The following UNKL variants were observed in gnomAD, a reference collection of about 807,000 sequenced individuals.
UNKL encodes the protein putative E3 ubiquitin-protein ligase UNKL.
A neutral mutation model predicts 78.0 loss-of-function variants in UNKL; 60 were observed. The ratio of observed to expected loss-of-function variants is 0.77; its 90% CI spans 0.63 to 0.95. The LOEUF is 0.95. Among genes scored for constraint, UNKL ranks in the 40% least tolerant of loss-of-function variants. UNKL has a pLI of 0.00. For missense variants in UNKL, 1,159 were observed against 1,045.7 expected (o/e 1.11, Z -1.49); for synonymous variants, 608 against 474.8 (o/e 1.28, Z -3.65).
Position 1,405,194 on chromosome 16 carries a change from C to CAA in UNKL, c.288-1852_288-1851dup, listed in dbSNP as rs529175991. On this transcript the variant is annotated intron_variant, in intron 2 of 14. Coordinates refer to ENST00000389221, the MANE Select transcript of UNKL (RefSeq NM_001372107.1). ...TGGGCAACAGAGCAAGACCCTGTCT[C>CAA]AAAAAAAAAAAAAAAAAAAAAAAAA... Among the ~76,000 whole-genome samples, 17 of 109,506 alleles carry CAA rather than the reference C, an allele frequency of 1.6e-4. 1 individual carries two copies. Among genetic ancestry groups the CAA allele is most frequent in the Non-Finnish European group, 3.2e-4 (17 of 52,986 alleles). The allele number at this position is 109,506 out of a possible 152,430, so 71.8% of individuals were successfully genotyped here. A position where few individuals can be genotyped will look rare whatever the true frequency, so the allele number is the denominator to read the frequency against.
Position 1,366,246 on chromosome 16 carries a change from C to G in UNKL, c.2196G>C (p.Gln732His). The change falls in exon 15 of 15, where the codon CAG (glutamine) becomes CAC (histidine). Residue 732 changes from glutamine (Q) to histidine (H), a missense_variant. Physicochemically the swap from Gln to His is conservative, Grantham distance 24 (BLOSUM62 0). Coordinates refer to ENST00000389221, the MANE Select transcript of UNKL (RefSeq NM_001372107.1). ...GTGGCTGTCCCCGCTGAGGTCACCACTGCAGGGGCTGGCCCTTGCAGTAGG... is the reference window on the plus strand; with the variant it reads ...GTGGCTGTCCCCGCTGAGGTCACCAGTGCAGGGGCTGGCCCTTGCAGTAGG... ...ECPYCKGQPL[Q>H]W is the part of the protein sequence containing the mutation. 1.9e-6 allele frequency: 3 copies of G among 1,569,046 alleles called. No homozygotes were observed. Among genetic ancestry groups the G allele is most frequent in the Non-Finnish European group, 1.7e-6 (2 of 1,157,434 alleles).
In UNKL at chr16:1,366,134, C is replaced by T. The variant is rs2035231406; in HGVS notation, c.*106G>A. ...ACGTGTAACAGGAAGGGCTCCCAGC[C>T]TCGGTCCTCACGTCGGTGGCACCAG... is the stretch of plus-strand genomic sequence containing the variant. On this transcript the variant is annotated 3_prime_UTR_variant, in exon 15 of 15. Coordinates refer to ENST00000389221, the MANE Select transcript of UNKL (RefSeq NM_001372107.1). The T allele has an allele frequency of 1.5e-6, 2 of 1,322,138 alleles. No homozygotes were observed. Among genetic ancestry groups the T allele is most frequent in the Non-Finnish European group, 2.0e-6 (2 of 1,014,666 alleles). 81.9% of individuals were successfully genotyped at this position (1,322,138 alleles called of 1,614,324 possible).
chr16:1,394,546 T>C (rs933927127), intron 6 of UNKL: 1 of 512,864 alleles, frequency 1.9e-6, no homozygotes, highest in Non-Finnish European at 3.8e-6. Context: ...GCCTAATAAG[T>C]GCCTATTAAA....
At chr16:1,406,650 T>C (rs1212796243) in intron 2 of UNKL, among the ~76,000 whole-genome samples, 1 of 152,082 alleles carries the variant, frequency 6.6e-6, no homozygotes, top group Non-Finnish European at 1.5e-5. Context: ...GCCTCTGAGT[T>C]TTAAAGACTG....
At chr16:1,388,720 C>T (rs957906199) in intron 9 of UNKL, among the ~76,000 whole-genome samples, 2 of 152,058 alleles carry the variant, frequency 1.3e-5, no homozygotes, top group Admixed American at 1.3e-4. Flanking sequence ...GGATCCCGCA[C>T]CTTCACTAAC....
rs113426248 is a variant in UNKL, at chr16:1,409,333, T to C, written c.287+4513A>G. On this transcript the variant is annotated intron_variant, in intron 2 of 14. Coordinates refer to ENST00000389221, the MANE Select transcript of UNKL (RefSeq NM_001372107.1). ...ATGAGAACCAGAACGGGTACTTCAA[T>C]AGGACAAACTGGCTATTCCCTTTGT... is the stretch of plus-strand genomic sequence containing the variant. Among the ~76,000 whole-genome samples, 618 of 152,286 alleles carry C rather than the reference T, an allele frequency of 4.1e-3. 4 individuals carry two copies. The highest frequency in any genetic ancestry group is 6.1e-3 in the Non-Finnish European group (413 of 68,022).
chr16:1,363,334 A>G lies in UNKL; in HGVS notation c.*2906T>C. 1 of 509,922 alleles carries G rather than the reference A, an allele frequency of 2.0e-6. No individual in the cohort carries two copies. Among genetic ancestry groups the G allele is most frequent in the Non-Finnish European group, 3.6e-6 (1 of 281,268 alleles). The allele number at this position is 509,922 out of a possible 1,614,324, so 31.6% of individuals were successfully genotyped here. On this transcript the variant is annotated 3_prime_UTR_variant, in exon 15 of 15. Coordinates refer to ENST00000389221, the MANE Select transcript of UNKL (RefSeq NM_001372107.1). ...TAACTTTAAACAGTTCGCTACAAGT[A>G]AATGATTATAAATACTACCTTCTGG...
At chr16:1,376,039 G>A (rs2036190275) in intron 10 of UNKL, among the ~76,000 whole-genome samples, 1 of 152,122 alleles carries the variant, frequency 6.6e-6, no homozygotes, top group South Asian at 2.1e-4. Flanking sequence ...AAGGCTGAAA[G>A]TGAGATCTGT....
chr16:1,403,424 C>T lies in UNKL; in HGVS notation c.288-80G>A. 15 of 1,482,914 alleles carry T rather than the reference C, an allele frequency of 1.0e-5. No individual in the cohort carries two copies. In the South Asian group the frequency reaches 1.8e-4, roughly 18 times the overall value. The allele number at this position is 1,482,914 out of a possible 1,614,324, so 91.9% of individuals were successfully genotyped here. ...TAAGCTCCCTGGGTCCACGCCCTGT[C>T]AGCACGTGGCAAGCAGTGAATTCCC... On this transcript the variant is annotated intron_variant, in intron 2 of 14. Coordinates refer to ENST00000389221, the MANE Select transcript of UNKL (RefSeq NM_001372107.1). The surrounding 1 kb of genome is among the most constrained non-coding windows in gnomAD (Gnocchi z 4.8).
chr16:1,366,667 G>A (rs1170001538), intron 14 of UNKL, among the ~76,000 whole-genome samples: 2 of 152,224 alleles, frequency 1.3e-5, no homozygotes, highest in Non-Finnish European at 2.9e-5. Context: ...CCAGGCCCCT[G>A]AGGGCAGCTG....
chr16:1,376,719 C>T (rs1048073092), intron 10 of UNKL, among the ~76,000 whole-genome samples: 12 of 151,726 alleles, frequency 7.9e-5, no homozygotes, highest in African/African-American at 2.4e-4. Context: ...CCCCCATGGA[C>T]GCCTGATGCT....
Position 1,370,027 on chromosome 16 carries a change from G to A in UNKL, c.1585+103C>T, listed in dbSNP as rs1301066163. On this transcript the variant is annotated intron_variant, in intron 12 of 14. Coordinates refer to ENST00000389221, the MANE Select transcript of UNKL (RefSeq NM_001372107.1). The stretch of plus-strand genomic sequence containing the variant: ...GTCATGTGGTTTGCCACCACAGATA[G>A]GGCACAAGGTTCCGTGTGAGGCCCC... 7.7e-6 allele frequency: 12 copies of A among 1,551,090 alleles called. No individual in the cohort carries two copies. The East Asian group carries it at 2.7e-4, about 35-fold the overall frequency.
At chr16:1,414,358 C>A (rs534079522) in intron 1 of UNKL, among the ~76,000 whole-genome samples, 213 of 152,214 alleles carry the variant, frequency 1.4e-3, no homozygotes, top group African/African-American at 4.9e-3. Flanking sequence ...CGAGCCCAGG[C>A]GCAACCCCCA....
At chr16:1,408,279 A>C (rs1490809173) in intron 2 of UNKL, among the ~76,000 whole-genome samples, 1 of 151,704 alleles carries the variant, frequency 6.6e-6, no homozygotes. Context: ...CCCAACGACC[A>C]GGACGGTTCC....
chr16:1,383,449 C>A, intron 10 of UNKL: 1 of 209,756 alleles, frequency 4.8e-6, no homozygotes, highest in Middle Eastern at 5.6e-4. Flanking sequence ...GAGAGCGGGG[C>A]CCTGGGTGCT....
chr16:1,377,270 C>T (rs1183732912), intron 10 of UNKL, among the ~76,000 whole-genome samples: 2 of 152,134 alleles, frequency 1.3e-5, no homozygotes, highest in Admixed American at 6.5e-5. Context: ...GATCTGCTTG[C>T]CTCATCTCCC....
At chr16:1,389,290 G>A (rs1216154095) in intron 9 of UNKL, among the ~76,000 whole-genome samples, 2 of 152,222 alleles carry the variant, frequency 1.3e-5, no homozygotes, top group African/African-American at 4.8e-5. Context: ...TAATTAAGGT[G>A]AAATGAGTTC....
At chr16:1,394,460 A>G (rs898289245) in intron 6 of UNKL, 2 of 671,930 alleles carry the variant, frequency 3.0e-6, no homozygotes, top group East Asian at 2.9e-5. Flanking sequence ...CTGCCCTCCC[A>G]TCACAGGCAA....
intron 2 of UNKL, chr16:1,412,247 C>T (rs2142299290): frequency 6.6e-6 from 1 of 152,380 alleles, no homozygotes; most frequent in African/African-American, 2.4e-5. Context: ...CTGTTCATAA[C>T]ACTATTAGGA....
Sources: allele counts gnomAD v4.1 joint callset (sites outside exome capture counted in the v4.1 genomes callset), GRCh38; gene constraint gnomAD v4.1.1; non-coding constraint Gnocchi (gnomAD v3.1); transcripts MANE v1.5; gene names NCBI Gene and HGNC (gene_info 2026-07-23, HGNC 2026-07-21).